NEURL1B: variants seen among roughly 807,000 people sequenced by gnomAD.
NEURL1B encodes neuralized E3 ubiquitin protein ligase 1B.
In NEURL1B, 13 loss-of-function variants were observed where a neutral mutation model predicts 37.4. That is an observed-to-expected ratio of 0.35 (90% CI 0.23 to 0.55). NEURL1B has a LOEUF of 0.55. NEURL1B is among the 20% of genes least tolerant of loss of function. The pLI is 0.89. For missense variants in NEURL1B, 790 were observed against 879.2 expected (o/e 0.90, Z 1.28); for synonymous variants, 432 against 426.6 (o/e 1.01, Z -0.16).
At chr5:172,648,045 C>T (rs544556598) in intron 1 of NEURL1B, among the ~76,000 whole-genome samples, 7 of 152,308 alleles carry the variant, frequency 4.6e-5, no homozygotes, top group South Asian at 2.1e-4. Context: ...ATCCAGGGCC[C>T]GCGTCTGTCC....
rs10035202 is a variant in NEURL1B at position 172,665,617 on chromosome 5, C to T, written c.32-4168C>T. 0.53 allele frequency among the ~76,000 whole-genome samples: 81,030 copies of T among 152,010 alleles called. 21,905 individuals are homozygous for T. The highest frequency in any genetic ancestry group is 0.62 in the South Asian group (2,998 of 4,822). On this transcript the variant is annotated intron_variant, in intron 1 of 4. Transcript: ENST00000369800. The surrounding 1 kb of genome is among the most constrained non-coding windows in gnomAD (Gnocchi z 4.1). The stretch of plus-strand genomic sequence containing the variant: ...GTTCCTGCGGTGTCTGCAGCACCCT[C>T]GCCCTCACCTCTACAAGGCAGTGAC...
At chr5:172,643,005 A>C (rs549697189) in intron 1 of NEURL1B, among the ~76,000 whole-genome samples, 1 of 152,360 alleles carries the variant, frequency 6.6e-6, no homozygotes, top group South Asian at 2.1e-4. Context: ...TTCTAGTAAA[A>C]AGCCATTCTG....
At chr5:172,677,010 G>T (rs1758244466) in intron 2 of NEURL1B, among the ~76,000 whole-genome samples, 1 of 152,012 alleles carries the variant, frequency 6.6e-6, no homozygotes, top group Non-Finnish European at 1.5e-5. Context: ...CCAGAGAAAG[G>T]CAGGGACTTG....
Position 172,687,230 on chromosome 5 carries a change from C to T in NEURL1B, c.*305C>T. 4.7e-6 allele frequency: 1 copy of T among 213,186 alleles called. No individual in the cohort carries two copies. Among genetic ancestry groups the T allele is most frequent in the Non-Finnish European group, 9.5e-6 (1 of 105,462 alleles). 13.2% of individuals were successfully genotyped at this position (213,186 alleles called of 1,614,324 possible). A position where few individuals can be genotyped will look rare whatever the true frequency, so the allele number is the denominator to read the frequency against. ...AGCGTCCTCTGTCTGTGCAATGCTTCTTGCTGGGGTTGGGTTGAGTGTGAG... is the reference window on the plus strand; with the variant it reads ...AGCGTCCTCTGTCTGTGCAATGCTTTTTGCTGGGGTTGGGTTGAGTGTGAG... On this transcript the variant is annotated 3_prime_UTR_variant, in exon 5 of 5. Coordinates refer to ENST00000369800, the MANE Select transcript of NEURL1B (RefSeq NM_001142651.3).
chr5:172,670,342 G>A lies in NEURL1B; in HGVS notation c.577+12G>A. 7.4e-7 allele frequency: 1 copy of A among 1,347,904 alleles called. No homozygotes were observed. Among genetic ancestry groups the A allele is most frequent in the Non-Finnish European group, 9.5e-7 (1 of 1,053,242 alleles). 83.5% of individuals were successfully genotyped at this position (1,347,904 alleles called of 1,614,324 possible). The stretch of plus-strand genomic sequence containing the variant: ...GGTGCAGCTTCTGGGTAGGTCGCGG[G>A]CGCGGCGCCCCCTGGGGACCTGGCA... On this transcript the variant is annotated intron_variant, in intron 2 of 4. Transcript: ENST00000369800.
At position 172,683,883 on chromosome 5, in the gene NEURL1B, G is replaced by A; in HGVS notation, c.1042G>A (p.Gly348Ser). 3 of 1,409,678 alleles carry A rather than the reference G, an allele frequency of 2.1e-6. No homozygotes were observed. The highest frequency in any genetic ancestry group is 2.8e-6 in the Non-Finnish European group (3 of 1,076,778). The allele number at this position is 1,409,678 out of a possible 1,614,324, so 87.3% of individuals were successfully genotyped here. A position where few individuals can be genotyped will look rare whatever the true frequency, so the allele number is the denominator to read the frequency against. Residue 348 changes from glycine (G) to serine (S), a missense_variant, in exon 3 of 5, where the codon GGC becomes AGC. By Grantham distance (56) the Gly-to-Ser change is moderately conservative. Transcript: ENST00000369800. The surrounding 1 kb of genome is among the most constrained non-coding windows in gnomAD (Gnocchi z 5.6). Reference protein sequence around the residue: ...LAFGITSCDPGVLRPNELPAD... With the variant: ...LAFGITSCDPSVLRPNELPAD... ...CTTCGGCATCACGTCGTGCGACCCG[G>A]GCGTGCTACGGCCCAACGAGCTGCC...
intron 1 of NEURL1B, among the ~76,000 whole-genome samples, chr5:172,654,571 ATTTTT>A (rs34546667): frequency 4.4e-5 from 6 of 137,020 alleles, no homozygotes; most frequent in Non-Finnish European, 6.3e-5. Flanking sequence ...GAGTTAAACT[ATTTTT>A]TTTTTTTTTT....
At chr5:172,663,834 T>TATTATTATTATTATTATG (rs1757954390) in intron 1 of NEURL1B, among the ~76,000 whole-genome samples, 1 of 147,562 alleles carries the variant, frequency 6.8e-6, no homozygotes, top group Non-Finnish European at 1.5e-5. Flanking sequence ...ATTTGTTTAT[T>TATTATTATTATTATTATG]ATTATTATTA....
Position 172,688,048 on chromosome 5 carries a change from G to C in NEURL1B, c.*1123G>C, listed in dbSNP as rs776744481. Reference sequence around the variant, plus strand: ...GTTAACTAATGATCGAGACAGTAACGAAAAATGCTGGCACTGGGATTCTCT... The same window carrying C: ...GTTAACTAATGATCGAGACAGTAACCAAAAATGCTGGCACTGGGATTCTCT... On this transcript the variant is annotated 3_prime_UTR_variant, in exon 5 of 5. Transcript: ENST00000369800. This position sits in a 1 kb window ranked among gnomAD's most constrained non-coding sequence, Gnocchi z 4.3. 6.5e-6 allele frequency: 1 copy of C among 152,678 alleles called. No homozygotes were observed. Among genetic ancestry groups the C allele is most frequent in the Non-Finnish European group, 1.5e-5 (1 of 68,060 alleles). The allele number at this position is 152,678 out of a possible 1,614,324, so 9.5% of individuals were successfully genotyped here.
At position 172,659,008 on chromosome 5, in the gene NEURL1B, G is replaced by A. The variant is rs1331750807; in HGVS notation, c.32-10777G>A. The stretch of plus-strand genomic sequence containing the variant: ...CTGAGGAGCTCAAAACAAGCTGATT[G>A]ATGACATCCACCACCACCCCTGCCC... On this transcript the variant is annotated intron_variant, in intron 1 of 4. Coordinates refer to ENST00000369800, the MANE Select transcript of NEURL1B (RefSeq NM_001142651.3). Among the ~76,000 whole-genome samples, 6 of 148,236 alleles carry A rather than the reference G, an allele frequency of 4.0e-5. No homozygotes were observed. In the East Asian group the frequency reaches 1.2e-3, roughly 30 times the overall value.
At position 172,661,086 on chromosome 5, in the gene NEURL1B, C is replaced by G. The variant is rs1401030191; in HGVS notation, c.32-8699C>G. 6.6e-6 allele frequency among the ~76,000 whole-genome samples: 1 copy of G among 152,208 alleles called. No individual in the cohort carries two copies. The highest frequency in any genetic ancestry group is 1.9e-4 in the East Asian group (1 of 5,202). ...CCTCTCTCTAGAGCACAGCCTGCCC[C>G]CCTCACCCCAACACACATGAGCACC... On this transcript the variant is annotated intron_variant, in intron 1 of 4. Coordinates refer to ENST00000369800, the MANE Select transcript of NEURL1B (RefSeq NM_001142651.3). This position sits in a 1 kb window ranked among gnomAD's most constrained non-coding sequence, Gnocchi z 4.0.
chr5:172,686,638 A>G lies in NEURL1B; in HGVS notation c.1424-43A>G, dbSNP rs976772648. The G allele has an allele frequency of 6.5e-7, 1 of 1,528,420 alleles. No homozygotes were observed. The highest frequency in any genetic ancestry group is 1.4e-5 in the African/African-American group (1 of 72,786). 94.7% of individuals were successfully genotyped at this position (1,528,420 alleles called of 1,614,324 possible). Reference sequence around the variant, plus strand: ...GGGTTGCCCCAACAGAGCCCACCTGAGAGAGACATTGTTAACATATGTCCT... The same window carrying G: ...GGGTTGCCCCAACAGAGCCCACCTGGGAGAGACATTGTTAACATATGTCCT... On this transcript the variant is annotated intron_variant, in intron 4 of 4. Transcript: ENST00000369800. This position sits in a 1 kb window ranked among gnomAD's most constrained non-coding sequence, Gnocchi z 7.9.
intron 2 of NEURL1B, among the ~76,000 whole-genome samples, chr5:172,671,728 T>G (rs891187268): frequency 6.6e-6 from 1 of 152,262 alleles, no homozygotes; most frequent in Admixed American, 6.5e-5. Context: ...TTTCTGGCTT[T>G]TCAGCCCTGC....
At chr5:172,650,760 G>T (rs1413688153) in intron 1 of NEURL1B, among the ~76,000 whole-genome samples, 1 of 152,216 alleles carries the variant, frequency 6.6e-6, no homozygotes, top group African/African-American at 2.4e-5. Flanking sequence ...AGGGGAAGGG[G>T]TTCGTATCCC....
Position 172,661,792 on chromosome 5 carries a change from C to T in NEURL1B, c.32-7993C>T, listed in dbSNP as rs151327532. Among the ~76,000 whole-genome samples, 4 of 150,926 alleles carry T rather than the reference C, an allele frequency of 2.7e-5. No individual in the cohort carries two copies. The highest frequency in any genetic ancestry group is 6.6e-5 in the Admixed American group (1 of 15,226). ...GGAGCTGTTGCTTCCTGCCATCCTC[C>T]TGACGGTAACTGCCATTTCCTTGGG... is the stretch of plus-strand genomic sequence containing the variant. On this transcript the variant is annotated intron_variant, in intron 1 of 4. Transcript: ENST00000369800. This position sits in a 1 kb window ranked among gnomAD's most constrained non-coding sequence, Gnocchi z 4.0.
intron 2 of NEURL1B, among the ~76,000 whole-genome samples, chr5:172,678,845 G>A (rs749249957): frequency 3.3e-5 from 5 of 152,058 alleles, no homozygotes; most frequent in Non-Finnish European, 7.4e-5. Flanking sequence ...CTTCATTTTC[G>A]TGTCTACACC....
At chr5:172,678,544 T>C (rs1005462166) in intron 2 of NEURL1B, among the ~76,000 whole-genome samples, 2 of 150,476 alleles carry the variant, frequency 1.3e-5, no homozygotes, top group African/African-American at 2.5e-5. Context: ...TGGTTGGCCA[T>C]TGGCAGTAAG....
chr5:172,687,792 GGAGA>G lies in NEURL1B; in HGVS notation c.*870_*873del, dbSNP rs1432477774. The G allele has an allele frequency of 6.6e-6, 1 of 152,072 alleles. No individual in the cohort carries two copies. The highest frequency in any genetic ancestry group is 2.4e-5 in the African/African-American group (1 of 41,386). 9.4% of individuals were successfully genotyped at this position (152,072 alleles called of 1,614,324 possible). On this transcript the variant is annotated 3_prime_UTR_variant, in exon 5 of 5. Transcript: ENST00000369800. ...CAGCAGTAAGTTCTGTTTTTCTGTG[GGAGA>G]GAAAGAATCCTAGAGGCAGGTGACC...
intron 2 of NEURL1B, among the ~76,000 whole-genome samples, chr5:172,673,864 C>T (rs982472367): frequency 1.3e-5 from 2 of 150,526 alleles, no homozygotes; most frequent in East Asian, 3.9e-4. Context: ...TGTGGCTACA[C>T]GCGGTGGCTC....
Sources: allele counts gnomAD v4.1 joint callset (sites outside exome capture counted in the v4.1 genomes callset), GRCh38; gene constraint gnomAD v4.1.1; non-coding constraint Gnocchi (gnomAD v3.1); transcripts MANE v1.5; gene names NCBI Gene and HGNC (gene_info 2026-07-23, HGNC 2026-07-21).